The following EXT1 variants were observed in gnomAD, a reference collection of about 807,000 sequenced individuals.
EXT1 encodes the protein exostosin glycosyltransferase 1.
Under a neutral mutation model 82.5 loss-of-function variants are expected in EXT1, and 20 were observed. That is an observed-to-expected ratio of 0.24 (90% CI 0.17 to 0.35). The LOEUF is 0.35. Ranked by LOEUF, EXT1 falls within the 10% of genes least tolerant of loss-of-function variation. The probability of loss-of-function intolerance (pLI) is 1.00; values close to 1 mark genes in which losing one functional copy is unlikely to be tolerated. For missense variants in EXT1, 757 were observed against 936.5 expected, an observed-to-expected ratio of 0.81 and a Z score of 2.50; for synonymous variants, 348 against 350.8, an observed-to-expected ratio of 0.99 and a Z score of 0.09.
intron 1 of EXT1, among the ~76,000 whole-genome samples, chr8:117,914,286 C>T (rs1353487047): frequency 6.6e-6 from 1 of 152,226 alleles, no homozygotes; most frequent in African/African-American, 2.4e-5. Context: ...ACTTTAATCT[C>T]TTAATCCTGT....
intron 1 of EXT1, among the ~76,000 whole-genome samples, chr8:117,921,783 T>C (rs988498138): frequency 6.6e-6 from 1 of 152,124 alleles, no homozygotes; most frequent in Non-Finnish European, 1.5e-5. Context: ...CTATAGGGTA[T>C]AGGAGAAGAT....
intron 1 of EXT1, among the ~76,000 whole-genome samples, chr8:118,077,587 A>G (rs1338976594): frequency 6.6e-6 from 1 of 152,178 alleles, no homozygotes; most frequent in Non-Finnish European, 1.5e-5. Flanking sequence ...ATGAAAGAAC[A>G]TGGCAAAAGA....
chr8:117,804,649 A>T, intron 10 of EXT1, 73 bp downstream of exon 10: 2 of 1,537,486 alleles, frequency 1.3e-6, no homozygotes, highest in African/African-American at 2.7e-5. Flanking sequence ...CAGCTAGAGG[A>T]ACGTGAGTCC....
chr8:117,936,575 G>C (rs1814168398), intron 1 of EXT1, among the ~76,000 whole-genome samples: 1 of 152,152 alleles, frequency 6.6e-6, no homozygotes, highest in Non-Finnish European at 1.5e-5. Context: ...AGTTTTCCTT[G>C]TTTAAACTGT....
At position 117,819,545 on chromosome 8, in the gene EXT1, G is replaced by A. The variant is rs570749099; in HGVS notation, c.1536+131C>T. 7.9e-4 allele frequency: 629 copies of A among 796,176 alleles called. 1 individual carries two copies. The highest frequency in any genetic ancestry group is 1.2e-3 in the South Asian group (89 of 73,446). 49.3% of individuals were successfully genotyped at this position (796,176 alleles called of 1,614,324 possible). A position where few individuals can be genotyped will look rare whatever the true frequency, so the allele number is the denominator to read the frequency against. On this transcript the variant is annotated intron_variant, in intron 6 of 10. Coordinates refer to ENST00000378204, the MANE Select transcript of EXT1 (RefSeq NM_000127.3). ...TGTAACGAGGCAGGATGAATGAAAG[G>A]GAGTAGCAGGGTATGATGTTAGAGA...
intron 1 of EXT1, among the ~76,000 whole-genome samples, chr8:117,857,785 T>C (rs1294018160): frequency 6.6e-6 from 1 of 152,214 alleles, no homozygotes; most frequent in Admixed American, 6.5e-5. Context: ...ACAGAGATGG[T>C]GATTCCTCTG....
intron 1 of EXT1, among the ~76,000 whole-genome samples, chr8:117,929,652 G>C (rs2447539): frequency 0.68 from 103,907 of 152,092 alleles, 35,721 homozygotes; most frequent in Middle Eastern, 0.81. Flanking sequence ...GGGACATAGG[G>C]GATGAGACTG....
intron 1 of EXT1, among the ~76,000 whole-genome samples, chr8:118,073,869 A>T (rs974567844): frequency 5.9e-5 from 9 of 152,178 alleles, no homozygotes; most frequent in Admixed American, 5.2e-4. Context: ...TTTTATATGG[A>T]TTTCCTTCTC....
At chr8:117,818,739 A>C (rs1811871076) in intron 6 of EXT1, among the ~76,000 whole-genome samples, 1 of 152,178 alleles carries the variant, frequency 6.6e-6, no homozygotes, top group Admixed American at 6.6e-5. Context: ...GAGAGGACAG[A>C]AAGAGCAAAC....
chr8:118,063,478 C>T (rs1033740121), intron 1 of EXT1, among the ~76,000 whole-genome samples: 2 of 152,242 alleles, frequency 1.3e-5, no homozygotes, highest in Non-Finnish European at 2.9e-5. Context: ...CACACAATCA[C>T]AGTCTGGACA....
At chr8:117,813,723 A>C (rs922666173) in intron 7 of EXT1, among the ~76,000 whole-genome samples, 1 of 152,162 alleles carries the variant, frequency 6.6e-6, no homozygotes, top group Admixed American at 6.5e-5. Context: ...GAAATATATT[A>C]GGCCAGGCGT....
At chr8:118,076,618 C>T (rs1563648764) in intron 1 of EXT1, among the ~76,000 whole-genome samples, 1 of 152,236 alleles carries the variant, frequency 6.6e-6, no homozygotes, top group Non-Finnish European at 1.5e-5. Context: ...CCTCAGGAAA[C>T]CCAATCCCTG....
chr8:118,049,074 T>C (rs1485532667), intron 1 of EXT1, among the ~76,000 whole-genome samples: 1 of 152,150 alleles, frequency 6.6e-6, no homozygotes, highest in African/African-American at 2.4e-5. Flanking sequence ...TACAGCCAAC[T>C]ATTTCAGACT....
chr8:118,064,234 G>A (rs1286535347), intron 1 of EXT1, among the ~76,000 whole-genome samples: 1 of 151,898 alleles, frequency 6.6e-6, no homozygotes, highest in Non-Finnish European at 1.5e-5. Flanking sequence ...GAATGTGCAG[G>A]TTTGTTACAT....
chr8:118,092,407 T>C (rs2445905), intron 1 of EXT1, among the ~76,000 whole-genome samples: 84,583 of 151,988 alleles, frequency 0.56, 25,542 homozygotes, highest in Middle Eastern at 0.71. Context: ...GACTCTGGGA[T>C]ACAGAGGAGA....
At chr8:117,848,131 G>A (rs2129821656) in intron 1 of EXT1, among the ~76,000 whole-genome samples, 1 of 152,322 alleles carries the variant, frequency 6.6e-6, no homozygotes. Flanking sequence ...GCTGCATGAA[G>A]CTAGTTGTCT....
chr8:117,862,657 C>T (rs1218972530), intron 1 of EXT1, among the ~76,000 whole-genome samples: 2 of 145,286 alleles, frequency 1.4e-5, no homozygotes, highest in East Asian at 3.9e-4. Flanking sequence ...GGATGTGGTC[C>T]GTGGAGACTG....
chr8:118,088,215 T>C (rs897399240), intron 1 of EXT1, among the ~76,000 whole-genome samples: 2 of 152,156 alleles, frequency 1.3e-5, no homozygotes, highest in African/African-American at 4.8e-5. Context: ...CCAATGTCCA[T>C]GGACATGTTA....
chr8:117,974,377 T>G (rs545779498), intron 1 of EXT1, among the ~76,000 whole-genome samples: 9 of 152,268 alleles, frequency 5.9e-5, no homozygotes, highest in African/African-American at 2.2e-4. Flanking sequence ...TGCTGTAGTA[T>G]CTCCTCCATG....
Sources: allele counts gnomAD v4.1 joint callset (sites outside exome capture counted in the v4.1 genomes callset), GRCh38; gene constraint gnomAD v4.1.1; transcripts MANE v1.5; gene names NCBI Gene and HGNC (gene_info 2026-07-23, HGNC 2026-07-21).